The following NCOA1 variants were observed in gnomAD, a reference collection of about 807,000 sequenced individuals.
NCOA1 encodes the protein Hin-2 protein.
A neutral mutation model predicts 150.9 loss-of-function variants in NCOA1; 35 were observed. That is an observed-to-expected ratio of 0.23 (90% CI 0.18 to 0.31). NCOA1 has a LOEUF of 0.31. NCOA1 is among the 10% of genes least tolerant of loss of function. The probability of loss-of-function intolerance (pLI) is 1.00; values close to 1 mark genes in which losing one functional copy is unlikely to be tolerated. For synonymous variants in NCOA1, 590 were observed against 630.0 expected (o/e 0.94, Z 0.95); for missense variants, 1,491 against 1,749.3 (o/e 0.85, Z 2.63).
intron 3 of NCOA1, among the ~76,000 whole-genome samples, chr2:24,629,911 TCG>T (rs1669627141): frequency 6.7e-6 from 1 of 149,342 alleles, no homozygotes; most frequent in Non-Finnish European, 1.5e-5. Flanking sequence ...TGGCGTGATC[TCG>T]GCTCACTGCA....
chr2:24,713,625 G>A (rs1673870253), intron 14 of NCOA1, among the ~76,000 whole-genome samples: 1 of 152,204 alleles, frequency 6.6e-6, no homozygotes, highest in Non-Finnish European at 1.5e-5. Flanking sequence ...GGGAAAAAGA[G>A]CAAATACATT....
chr2:24,634,092 A>T (rs1293039557), intron 3 of NCOA1, among the ~76,000 whole-genome samples: 1 of 152,198 alleles, frequency 6.6e-6, no homozygotes, highest in African/African-American at 2.4e-5. Flanking sequence ...CATTTTAAAC[A>T]TATATTTCAA....
At chr2:24,508,028 A>T (rs1663779503) in intron 1 of NCOA1, among the ~76,000 whole-genome samples, 1 of 152,184 alleles carries the variant, frequency 6.6e-6, no homozygotes, top group African/African-American at 2.4e-5. Context: ...ATTTACCTTA[A>T]GCTAGCTACT....
intron 2 of NCOA1, among the ~76,000 whole-genome samples, chr2:24,582,950 C>CA (rs1354864685): frequency 6.6e-6 from 1 of 152,098 alleles, no homozygotes; most frequent in Admixed American, 6.6e-5. Flanking sequence ...AAATCAACTC[C>CA]AAATGGTTTA....
intron 20 of NCOA1, 41 bp from the exon 21 acceptor site, chr2:24,757,932 A>G: frequency 1.3e-6 from 2 of 1,599,340 alleles, no homozygotes; most frequent in Non-Finnish European, 8.5e-7. Flanking sequence ...CCCCTTGTTC[A>G]TGATCAGTGG....
chr2:24,597,063 AT>A (rs1667912911), intron 3 of NCOA1, among the ~76,000 whole-genome samples: 2 of 152,178 alleles, frequency 1.3e-5, no homozygotes, highest in Non-Finnish European at 2.9e-5. Flanking sequence ...GTTTTACTTT[AT>A]ATGCTTAGGG....
intron 1 of NCOA1, among the ~76,000 whole-genome samples, chr2:24,525,139 A>G (rs1435967150): frequency 6.6e-6 from 1 of 152,078 alleles, no homozygotes; most frequent in Non-Finnish European, 1.5e-5. Flanking sequence ...ATTACTAGGG[A>G]TGGTACTTTA....
At chr2:24,666,949 A>G (rs1173289032) in intron 6 of NCOA1, among the ~76,000 whole-genome samples, 1 of 152,150 alleles carries the variant, frequency 6.6e-6, no homozygotes, top group Non-Finnish European at 1.5e-5. Context: ...AGCACTTTGA[A>G]GAAACAATCC....
chr2:24,653,067 G>A (rs751399155), intron 4 of NCOA1, among the ~76,000 whole-genome samples: 3 of 152,160 alleles, frequency 2.0e-5, no homozygotes, highest in Non-Finnish European at 4.4e-5. Flanking sequence ...AGGCCAGCCT[G>A]TCTGGCTGCT....
intron 6 of NCOA1, among the ~76,000 whole-genome samples, chr2:24,667,122 A>C (rs764984894): frequency 6.6e-6 from 1 of 152,214 alleles, no homozygotes. Flanking sequence ...TTAAAGTTTT[A>C]TAATTTTAAG....
At chr2:24,759,208 T>C (rs1444128728) in intron 21 of NCOA1, among the ~76,000 whole-genome samples, 4 of 152,264 alleles carry the variant, frequency 2.6e-5, no homozygotes, top group Non-Finnish European at 4.4e-5. Flanking sequence ...AAAACTGGTA[T>C]GTAAGAGATA....
chr2:24,686,305 GTTC>G (rs1475739307), intron 8 of NCOA1, among the ~76,000 whole-genome samples: 2 of 152,110 alleles, frequency 1.3e-5, no homozygotes, highest in African/African-American at 2.4e-5. Context: ...GCCTGACCCT[GTTC>G]TTCTTTTTTG....
chr2:24,589,356 C>T (rs1225520658), intron 3 of NCOA1, among the ~76,000 whole-genome samples: 1 of 152,224 alleles, frequency 6.6e-6, no homozygotes, highest in African/African-American at 2.4e-5. Flanking sequence ...GGTATTCTCT[C>T]TTCCAGGCCT....
At chr2:24,666,638 ATT>A (rs36037041) in intron 6 of NCOA1, among the ~76,000 whole-genome samples, 46 of 145,360 alleles carry the variant, frequency 3.2e-4, no homozygotes, top group South Asian at 1.5e-3. Context: ...AAAAACCCGG[ATT>A]TTTTTTTTTT....
rs750496021 is a variant in NCOA1, at chr2:24,706,872, T to G, written c.1402T>G (p.Ser468Ala). The change falls in exon 13 of 23, where the codon TCT becomes GCT. Residue 468 changes from serine to alanine, a missense_variant. Ser to Ala is a moderately conservative substitution (Grantham distance 99). Around this residue, in one of 8 missense-constraint regions of NCOA1, gnomAD observed 703 missense variants for 717.7 expected, o/e 0.98. Transcript: ENST00000348332. ...GGCCAGTTCACAGAGCAGTAATCCC[T>G]CTTTAAACCTCAATAATTCTCCTAT... ...GQASSQSSNP[S>A]LNLNNSPMEG... is the part of the protein sequence containing the mutation. 49 of 1,614,064 alleles carry G rather than the reference T, an allele frequency of 3.0e-5. 1 individual carries two copies. Among genetic ancestry groups the G allele is most frequent in the South Asian group, 9.9e-5 (9 of 91,082 alleles).
chr2:24,585,790 T>G (rs1394094708), intron 3 of NCOA1, among the ~76,000 whole-genome samples: 1 of 152,220 alleles, frequency 6.6e-6, no homozygotes, highest in Non-Finnish European at 1.5e-5. Flanking sequence ...TTAATGTTCC[T>G]TTGATCTAAT....
At chr2:24,568,155 A>G (rs1666589681) in intron 2 of NCOA1, among the ~76,000 whole-genome samples, 1 of 152,178 alleles carries the variant, frequency 6.6e-6, no homozygotes, top group Non-Finnish European at 1.5e-5. Flanking sequence ...GAAAAATCTC[A>G]CAAATTTGTG....
At chr2:24,727,180 G>A (rs1396203612) in intron 15 of NCOA1, among the ~76,000 whole-genome samples, 1 of 150,810 alleles carries the variant, frequency 6.6e-6, no homozygotes, top group Non-Finnish European at 1.5e-5. Flanking sequence ...GGGGACAAGG[G>A]AAAGACACTG....
chr2:24,718,865 T>A (rs2148620076), intron 14 of NCOA1, among the ~76,000 whole-genome samples: 1 of 144,954 alleles, frequency 6.9e-6, no homozygotes, highest in East Asian at 2.0e-4. Context: ...TGAGACTCTG[T>A]CTCAAAAAAA....
Sources: allele counts gnomAD v4.1 joint callset (sites outside exome capture counted in the v4.1 genomes callset), GRCh38; gene constraint gnomAD v4.1.1; regional missense constraint gnomAD v4.1.1; transcripts MANE v1.5; gene names NCBI Gene and HGNC (gene_info 2026-07-23, HGNC 2026-07-21).